The following MYADML2 variants were observed in gnomAD, a reference collection of about 807,000 sequenced individuals.
MYADML2 encodes myeloid-associated differentiation marker-like protein 2.
Under a neutral mutation model 16.0 loss-of-function variants are expected in MYADML2, and 17 were observed. The ratio of observed to expected loss-of-function variants is 1.06; its 90% confidence interval spans 0.73 to 1.60. The LOEUF (loss-of-function observed/expected upper bound fraction) is 1.60. MYADML2 is among the 40% of genes most tolerant of loss of function. MYADML2 has a pLI of 0.00. For missense variants in MYADML2, 422 were observed against 437.7 expected, an observed-to-expected ratio of 0.96 and a Z score of 0.32; for synonymous variants, 210 against 208.1, an observed-to-expected ratio of 1.01 and a Z score of -0.08.
chr17:81,946,449 C>T (rs570566326), intron 1 of MYADML2, among the ~76,000 whole-genome samples: 15 of 151,012 alleles, frequency 9.9e-5, no homozygotes, highest in East Asian at 5.9e-4. Context: ...GAGATCGAGA[C>T]CATCCTGGCC....
At position 81,940,833 on chromosome 17, in the gene MYADML2, G is replaced by A. The variant is rs982415384; in HGVS notation, c.909C>T (p.Phe303=). ...VDLAYSQRIR[F]VPSL ...CCACTGTGGGCTACAGGCTGGGCAC[G>A]AAGCGAATCCTCTGGGAGTAGGCGA... Residue 303 remains phenylalanine (F), a synonymous_variant, in exon 3 of 3, where the codon TTC becomes TTT. Transcript: ENST00000409745. 13 of 1,505,656 alleles carry A rather than the reference G, an allele frequency of 8.6e-6. No individual in the cohort carries two copies. Among genetic ancestry groups the A allele is most frequent in the South Asian group, 5.2e-5 (4 of 76,570 alleles). The allele number at this position is 1,505,656 out of a possible 1,614,324, so 93.3% of individuals were successfully genotyped here.
intron 1 of MYADML2, among the ~76,000 whole-genome samples, chr17:81,945,342 A>G (rs1246522025): frequency 1.3e-5 from 2 of 152,244 alleles, no homozygotes; most frequent in African/African-American, 2.4e-5. Flanking sequence ...GATCGAGACC[A>G]TCCTGGCTAA....
At position 81,941,453 on chromosome 17, in the gene MYADML2, G is replaced by A. The variant is rs1455772889; in HGVS notation, c.289C>T (p.Leu97=). 1 of 1,549,422 alleles carries A rather than the reference G, an allele frequency of 6.5e-7. No homozygotes were observed. Among genetic ancestry groups the A allele is most frequent in the Non-Finnish European group, 8.7e-7 (1 of 1,146,628 alleles). The stretch of plus-strand genomic sequence containing the variant: ...AGGACCGCAGCCGTCGCGCATAGCA[G>A]GGTGGCCAGCATGGCGAAGGCGGCG... ...FTAAFAMLAT[L]LCATAAVLYP... The change falls in exon 3 of 3, where the codon CTG becomes TTG. Residue 97 remains leucine (L), a synonymous_variant. Coordinates refer to ENST00000409745, the MANE Select transcript of MYADML2 (RefSeq NM_001145113.3).
At position 81,941,433 on chromosome 17, in the gene MYADML2, C is replaced by G. The variant is rs965951800; in HGVS notation, c.309G>C (p.Ala103=). Residue 103 remains alanine, a synonymous_variant, in exon 3 of 3, where the codon GCG becomes GCC. Coordinates refer to ENST00000409745, the MANE Select transcript of MYADML2 (RefSeq NM_001145113.3). ...GGGCAAAGTACAGCGGATACAGGAC[C>G]GCAGCCGTCGCGCATAGCAGGGTGG... ...MLATLLCATA[A]VLYPLYFARR... 1 of 1,549,370 alleles carries G rather than the reference C, an allele frequency of 6.5e-7. No homozygotes were observed. Among genetic ancestry groups the G allele is most frequent in the South Asian group, 1.2e-5 (1 of 84,038 alleles).
In MYADML2 at chr17:81,941,285, G is replaced by GCCGGC; in HGVS notation, c.456_457insGCCGG (p.Pro153AlafsTer6). 1 of 1,550,002 alleles carries GCCGGC rather than the reference G, an allele frequency of 6.5e-7. No homozygotes were observed. Among genetic ancestry groups the GCCGGC allele is most frequent in the South Asian group, 1.2e-5 (1 of 84,060 alleles). Reference sequence around the variant, plus strand: ...GCCATATAGCTGCTCACCTGGCCGGGCCGGGCCCGCGTCAGGGCCACCTCC... The same window carrying GCCGGC: ...GCCATATAGCTGCTCACCTGGCCGGGCCGGCCCGGGCCCGCGTCAGGGCCACCTCC... On this transcript the variant is annotated frameshift_variant, in exon 3 of 3. Transcript: ENST00000409745. LOFTEE classifies it high-confidence loss of function.
rs1051282128 is a variant in MYADML2, at chr17:81,942,743, G to A, written c.-180-370C>T. Among the ~76,000 whole-genome samples the A allele has an allele frequency of 1.1e-4, 16 of 151,972 alleles. No individual in the cohort carries two copies. Among genetic ancestry groups the A allele is most frequent in the African/African-American group, 3.9e-4 (16 of 41,370 alleles). ...TTTTTTTGTATTTTTAATAGAGACCGGGTTTCACCATGTTGGCCAGGCTGG... is the reference window on the plus strand; with the variant it reads ...TTTTTTTGTATTTTTAATAGAGACCAGGTTTCACCATGTTGGCCAGGCTGG... On this transcript the variant is annotated intron_variant, in intron 1 of 2. Transcript: ENST00000409745. This position sits in a 1 kb window ranked among gnomAD's most constrained non-coding sequence, Gnocchi z 4.4.
rs1203521193 is a variant in MYADML2 at position 81,941,509 on chromosome 17, C to T, written c.233G>A (p.Gly78Asp). ...GTTGCCCCAGGAGAGCCGCAGGCAG[C>T]CGTGGAGCCGTGTGAACTCACAGGC... ...VVACEFTRLH[G>D]CLRLSWGNFT... Residue 78 changes from glycine to aspartate, a missense_variant, in exon 3 of 3, where the codon GGC becomes GAC. Gly to Asp is a moderately conservative substitution (Grantham distance 94). Coordinates refer to ENST00000409745, the MANE Select transcript of MYADML2 (RefSeq NM_001145113.3). The T allele has an allele frequency of 3.6e-5, 55 of 1,547,792 alleles. No homozygotes were observed. The highest frequency in any genetic ancestry group is 6.8e-5 in the African/African-American group (5 of 73,012).
At chr17:81,946,441 G>A (rs1453350138) in intron 1 of MYADML2, among the ~76,000 whole-genome samples, 1 of 151,858 alleles carries the variant, frequency 6.6e-6, no homozygotes, top group African/African-American at 2.4e-5. Flanking sequence ...AAGGTCAGGA[G>A]ATCGAGACCA....
In MYADML2 at chr17:81,941,169, G is replaced by A. The variant is rs771108797; in HGVS notation, c.573C>T (p.Tyr191=). 151 of 1,550,100 alleles carry A rather than the reference G, an allele frequency of 9.7e-5. No individual in the cohort carries two copies. Among genetic ancestry groups the A allele is most frequent in the Middle Eastern group, 6.7e-4 (4 of 6,012 alleles). The change falls in exon 3 of 3, where the codon TAC becomes TAT. Residue 191 remains tyrosine, a synonymous_variant. Coordinates refer to ENST00000409745, the MANE Select transcript of MYADML2 (RefSeq NM_001145113.3). ...CGGCCACGCACCACTGGGTGGCCAC[G>A]TAGCGCCCGTAGCGGCTGTCATGGA... ...ALVHDSRYGR[Y]VATQWCVAVY... is the part of the protein sequence containing the mutation.
At position 81,941,682 on chromosome 17, in the gene MYADML2, G is replaced by A. The variant is rs767208734; in HGVS notation, c.60C>T (p.Ser20=). The A allele has an allele frequency of 6.5e-7, 1 of 1,546,966 alleles. No individual in the cohort carries two copies. The highest frequency in any genetic ancestry group is 8.7e-7 in the Non-Finnish European group (1 of 1,144,830). The part of the protein sequence containing the change: ...GAYLHLGAVT[S]PVGTARVLQL... The stretch of plus-strand genomic sequence containing the variant: ...GCAGCACGCGGGCTGTGCCCACAGG[G>A]GATGTCACGGCGCCCAGGTGCAGGT... Residue 20 remains serine (S), a synonymous_variant, in exon 3 of 3, where the codon TCC becomes TCT. Transcript: ENST00000409745.
intron 1 of MYADML2, among the ~76,000 whole-genome samples, chr17:81,946,373 G>A (rs1362575907): frequency 2.0e-5 from 3 of 150,800 alleles, no homozygotes; most frequent in African/African-American, 7.3e-5. Flanking sequence ...AAAAGGCCGG[G>A]CGCGGTGGCT....
rs1364383789 is a variant in MYADML2 at position 81,941,671 on chromosome 17, G to A, written c.71C>T (p.Thr24Ile). 2 of 1,549,058 alleles carry A rather than the reference G, an allele frequency of 1.3e-6. No individual in the cohort carries two copies. Among genetic ancestry groups the A allele is most frequent in the African/African-American group, 1.4e-5 (1 of 73,036 alleles). The change falls in exon 3 of 3, where the codon ACA becomes ATA. Residue 24 changes from threonine (T) to isoleucine (I), a missense_variant. Transcript: ENST00000409745. ...AAAGGCCAGCTGCAGCACGCGGGCT[G>A]TGCCCACAGGGGATGTCACGGCGCC... ...HLGAVTSPVG[T>I]ARVLQLAFGC...
In MYADML2 at chr17:81,942,839, C is replaced by G. The variant is rs957766142; in HGVS notation, c.-180-466G>C. 4.6e-5 allele frequency among the ~76,000 whole-genome samples: 7 copies of G among 152,118 alleles called. No individual in the cohort carries two copies. The highest frequency in any genetic ancestry group is 1.4e-4 in the African/African-American group (6 of 41,436). On this transcript the variant is annotated intron_variant, in intron 1 of 2. Transcript: ENST00000409745. The surrounding 1 kb of genome is among the most constrained non-coding windows in gnomAD (Gnocchi z 4.4). ...GTGCTGGGATTATAGGCGTGAGCCACTAGGTCCGGCCCCTCTTTTTTTTCG... is the reference window on the plus strand; with the variant it reads ...GTGCTGGGATTATAGGCGTGAGCCAGTAGGTCCGGCCCCTCTTTTTTTTCG...
Position 81,941,076 on chromosome 17 carries a change from G to T in MYADML2, c.666C>A (p.Gly222=). 6.5e-7 allele frequency: 1 copy of T among 1,550,348 alleles called. No individual in the cohort carries two copies. Among genetic ancestry groups the T allele is most frequent in the Non-Finnish European group, 8.7e-7 (1 of 1,146,972 alleles). ...CCAGCCGGTCAAAGGGGCAGCCCAG[G>T]CCCCCTGTGTGGCCCATCACACTCA... ...VALSVMGHTG[G]LGCPFDRLVV... The change falls in exon 3 of 3, where the codon GGC becomes GGA. Residue 222 remains glycine, a synonymous_variant. Transcript: ENST00000409745.
At position 81,940,153 on chromosome 17, in the gene MYADML2, G is replaced by A. The variant is rs1432796601; in HGVS notation, c.*665C>T. 6.6e-6 allele frequency: 1 copy of A among 152,310 alleles called. No homozygotes were observed. 9.4% of individuals were successfully genotyped at this position (152,310 alleles called of 1,614,324 possible). Reference sequence around the variant, plus strand: ...AGGAAGCCTGCTTCCAAACACTGTGGCTACCAGCCCAGAGGCTTCCCGGAC... The same window carrying A: ...AGGAAGCCTGCTTCCAAACACTGTGACTACCAGCCCAGAGGCTTCCCGGAC... On this transcript the variant is annotated 3_prime_UTR_variant, in exon 3 of 3. Coordinates refer to ENST00000409745, the MANE Select transcript of MYADML2 (RefSeq NM_001145113.3).
At chr17:81,945,841 C>T (rs527774248) in intron 1 of MYADML2, among the ~76,000 whole-genome samples, 13 of 151,360 alleles carry the variant, frequency 8.6e-5, no homozygotes, top group African/African-American at 1.5e-4. Context: ...CACTCCAGCC[C>T]GGGCAACACA....
intron 1 of MYADML2, among the ~76,000 whole-genome samples, chr17:81,946,319 C>A (rs1293416325): frequency 6.6e-6 from 1 of 151,796 alleles, no homozygotes; most frequent in Non-Finnish European, 1.5e-5. Context: ...CGTGCCACTG[C>A]ACTGTAGCCT....
chr17:81,940,847 G>A lies in MYADML2; in HGVS notation c.895C>T (p.Gln299Ter). The A allele has an allele frequency of 6.6e-7, 1 of 1,519,378 alleles. No individual in the cohort carries two copies. The highest frequency in any genetic ancestry group is 8.9e-7 in the Non-Finnish European group (1 of 1,128,026). 94.1% of individuals were successfully genotyped at this position (1,519,378 alleles called of 1,614,324 possible). The change falls in exon 3 of 3, where the codon CAG becomes TAG. Residue 299 changes from glutamine to a stop codon, truncating the protein, a stop_gained. Transcript: ENST00000409745. LOFTEE classifies it high-confidence loss of function. ...LLYVVDLAYSQRIRFVPSL is the reference protein window; with the variant it reads ...LLYVVDLAYS The stretch of plus-strand genomic sequence containing the variant: ...AGGCTGGGCACGAAGCGAATCCTCT[G>A]GGAGTAGGCGAGGTCAACGACGTAC...
Position 81,941,384 on chromosome 17 carries a change from C to T in MYADML2, c.358G>A (p.Ala120Thr), listed in dbSNP as rs374053976. The change falls in exon 3 of 3, where the codon GCC (alanine) becomes ACC (threonine). Residue 120 changes from alanine to threonine, a missense_variant. Physicochemically the swap from Ala to Thr is moderately conservative, Grantham distance 58 (BLOSUM62 0). Coordinates refer to ENST00000409745, the MANE Select transcript of MYADML2 (RefSeq NM_001145113.3). ...CGGAAGTCCCTGGCAGCACAGCCGG[C>T]GGGCTCGGGGGAACACTCCCGCCGG... Reference protein sequence around the residue: ...FARRECSPEPAGCAARDFRLA... With the variant: ...FARRECSPEPTGCAARDFRLA... The T allele has an allele frequency of 4.2e-4, 648 of 1,548,608 alleles. 3 individuals are homozygous for T. In the African/African-American group the frequency reaches 7.3e-3, roughly 18 times the overall value.
Sources: gnomAD v4.1 joint callset for allele counts (sites outside exome capture counted in the v4.1 genomes callset) on GRCh38, gnomAD v4.1.1 for gene constraint, Gnocchi (gnomAD v3.1) non-coding constraint, MANE v1.5 for transcripts, NCBI Gene and HGNC (gene_info 2026-07-23, HGNC 2026-07-21) for gene names.